PPP1R16B: variants seen among roughly 807,000 people sequenced by gnomAD.
PPP1R16B encodes the protein protein phosphatase 1 regulatory subunit 16B.
A neutral mutation model predicts 61.7 loss-of-function variants in PPP1R16B; 14 were observed. The observed-to-expected ratio is 0.23, with a 90% confidence interval of 0.15 to 0.35. The LOEUF (loss-of-function observed/expected upper bound fraction) is 0.35, where lower values mean the gene tolerates loss of function less well. Among genes scored for constraint, PPP1R16B ranks in the 10% least tolerant of loss-of-function variants. The probability of loss-of-function intolerance (pLI) is 1.00; values close to 1 mark genes in which losing one functional copy is unlikely to be tolerated. For missense variants in PPP1R16B, 547 were observed against 752.5 expected (o/e 0.73, Z 3.19); for synonymous variants, 266 against 305.3 (o/e 0.87, Z 1.34).
chr20:38,907,680 C>T lies in PPP1R16B; in HGVS notation c.899-126C>T, dbSNP rs2085455305. On this transcript the variant is annotated intron_variant, in intron 8 of 10. Transcript: ENST00000299824. This position sits in a 1 kb window ranked among gnomAD's most constrained non-coding sequence, Gnocchi z 4.5. ...TGGCTGGCATTGTTTTCTTGCCTCC[C>T]TGCATGCCCTGAAAGATGCTTGGAG... is the stretch of plus-strand genomic sequence containing the variant. The T allele has an allele frequency of 1.5e-6, 2 of 1,307,196 alleles. No homozygotes were observed. Among genetic ancestry groups the T allele is most frequent in the East Asian group, 4.7e-5 (2 of 42,808 alleles). 81.0% of individuals were successfully genotyped at this position (1,307,196 alleles called of 1,614,324 possible). A position where few individuals can be genotyped will look rare whatever the true frequency, so the allele number is the denominator to read the frequency against.
chr20:38,814,764 C>G (rs184959202), intron 1 of PPP1R16B, among the ~76,000 whole-genome samples: 1 of 152,324 alleles, frequency 6.6e-6, no homozygotes. Context: ...CTGTGCCAGC[C>G]TGGAGAGTTC....
intron 10 of PPP1R16B, among the ~76,000 whole-genome samples, chr20:38,909,202 G>C (rs1436056115): frequency 1.3e-5 from 2 of 151,930 alleles, no homozygotes; most frequent in African/African-American, 4.8e-5. Flanking sequence ...AGGTCTTGCT[G>C]TGTTGCCCAG....
At chr20:38,815,918 A>G (rs1313070324) in intron 1 of PPP1R16B, among the ~76,000 whole-genome samples, 1 of 152,220 alleles carries the variant, frequency 6.6e-6, no homozygotes, top group East Asian at 1.9e-4. Flanking sequence ...GCAAAACTGT[A>G]TGGTTCACAT....
chr20:38,874,004 C>T (rs998338415), intron 2 of PPP1R16B, among the ~76,000 whole-genome samples: 3 of 152,154 alleles, frequency 2.0e-5, no homozygotes, highest in Non-Finnish European at 4.4e-5. Flanking sequence ...TCTGGGATTA[C>T]AGGCATGAGC....
intron 1 of PPP1R16B, among the ~76,000 whole-genome samples, chr20:38,832,233 T>C (rs2084842003): frequency 6.6e-6 from 1 of 152,170 alleles, no homozygotes; most frequent in Non-Finnish European, 1.5e-5. Flanking sequence ...GTACTACTAT[T>C]TTATTAGGTT....
chr20:38,847,244 A>G (rs1283072367), intron 2 of PPP1R16B, among the ~76,000 whole-genome samples: 1 of 152,242 alleles, frequency 6.6e-6, no homozygotes, highest in Non-Finnish European at 1.5e-5. Flanking sequence ...TATTTGATAT[A>G]TGGAAAATAG....
intron 2 of PPP1R16B, among the ~76,000 whole-genome samples, chr20:38,886,801 G>A (rs2085248299): frequency 6.6e-6 from 1 of 152,232 alleles, no homozygotes. Context: ...TGCCAATTGG[G>A]TCAAGGTCCT....
At chr20:38,908,331 C>T in intron 10 of PPP1R16B, 138 bp downstream of exon 10, 1 of 1,093,614 alleles carries the variant, frequency 9.1e-7, no homozygotes, top group South Asian at 1.6e-5. Flanking sequence ...CATATCCAGT[C>T]TGATGATGAT....
At chr20:38,814,568 T>C (rs140103609) in intron 1 of PPP1R16B, among the ~76,000 whole-genome samples, 1 of 152,214 alleles carries the variant, frequency 6.6e-6, no homozygotes, top group African/African-American at 2.4e-5. Flanking sequence ...ACATGCCAAC[T>C]ATTCTTATGG....
chr20:38,837,237 C>T (rs1037453326), intron 2 of PPP1R16B, among the ~76,000 whole-genome samples: 7 of 152,232 alleles, frequency 4.6e-5, no homozygotes, highest in African/African-American at 1.7e-4. Context: ...ACTTCGTTTA[C>T]ACCTCTGTAA....
intron 1 of PPP1R16B, among the ~76,000 whole-genome samples, chr20:38,810,741 A>G (rs1355301701): frequency 1.3e-5 from 2 of 152,044 alleles, no homozygotes; most frequent in Non-Finnish European, 2.9e-5. Flanking sequence ...TCTCATACCA[A>G]TCCGTTGAAA....
chr20:38,888,876 AACACACACACAC>A lies in PPP1R16B; in HGVS notation c.251-678_251-667del, dbSNP rs1181903301. Among the ~76,000 whole-genome samples the A allele has an allele frequency of 7.2e-3, 808 of 112,298 alleles. 4 individuals are homozygous for A. Among genetic ancestry groups the A allele is most frequent in the African/African-American group, 0.02 (552 of 28,064 alleles). The allele number at this position is 112,298 out of a possible 152,430, so 73.7% of individuals were successfully genotyped here. ...CCTCCCTGCCCACCCAGAATCCCTG[AACACACACACAC>A]ACACACACACACACACACACACACA... On this transcript the variant is annotated intron_variant, in intron 2 of 10. Coordinates refer to ENST00000299824, the MANE Select transcript of PPP1R16B (RefSeq NM_015568.4).
At position 38,907,896 on chromosome 20, in the gene PPP1R16B, C is replaced by T. The variant is rs2085457231; in HGVS notation, c.989C>T (p.Ser330Leu). 6.2e-7 allele frequency: 1 copy of T among 1,614,226 alleles called. No homozygotes were observed. Among genetic ancestry groups the T allele is most frequent in the Non-Finnish European group, 8.5e-7 (1 of 1,180,046 alleles). ...VIMKSQLRHK[S>L]SLSRRTSSAG... ...ATGAAGTCACAGCTGAGGCACAAGT[C>T]ATCCTTGAGCCGGAGGACCTCCAGC... Residue 330 changes from serine to leucine, a missense_variant, in exon 9 of 11, where the codon TCA (serine) becomes TTA (leucine). By Grantham distance (145) the Ser-to-Leu change is moderately radical. Transcript: ENST00000299824. The surrounding 1 kb of genome is among the most constrained non-coding windows in gnomAD (Gnocchi z 4.5).
At chr20:38,913,661 A>G (rs1287388247) in intron 10 of PPP1R16B, among the ~76,000 whole-genome samples, 1 of 152,206 alleles carries the variant, frequency 6.6e-6, no homozygotes, top group East Asian at 1.9e-4. Context: ...TTGGAGGTCA[A>G]GGAGAAAGGA....
rs914182054 is a variant in PPP1R16B at position 38,806,101 on chromosome 20, G to A, written c.-102+309G>A. Among the ~76,000 whole-genome samples the A allele has an allele frequency of 1.3e-5, 2 of 152,100 alleles. No homozygotes were observed. The highest frequency in any genetic ancestry group is 6.5e-5 in the Admixed American group (1 of 15,284). On this transcript the variant is annotated intron_variant, in intron 1 of 10. Coordinates refer to ENST00000299824, the MANE Select transcript of PPP1R16B (RefSeq NM_015568.4). This position sits in a 1 kb window ranked among gnomAD's most constrained non-coding sequence, Gnocchi z 4.5. ...GCTGCGGCCGTCGTAGACCGATCTT[G>A]GGGCGGGGAGGTGGGGTCCTCGGTC...
At chr20:38,903,911 G>A (rs527489815) in intron 6 of PPP1R16B, among the ~76,000 whole-genome samples, 4 of 152,164 alleles carry the variant, frequency 2.6e-5, no homozygotes, top group Admixed American at 2.6e-4. Context: ...CCACTGACTG[G>A]GGGGTGGGTG....
At chr20:38,857,246 C>G (rs2085014669) in intron 2 of PPP1R16B, among the ~76,000 whole-genome samples, 1 of 152,232 alleles carries the variant, frequency 6.6e-6, no homozygotes, top group Admixed American at 6.5e-5. Flanking sequence ...GTTTCTTCTT[C>G]TCTCTTCTGT....
chr20:38,837,005 A>G (rs377201945), intron 2 of PPP1R16B, among the ~76,000 whole-genome samples: 4 of 152,358 alleles, frequency 2.6e-5, no homozygotes, highest in African/African-American at 7.2e-5. Flanking sequence ...CAAAAGCTCA[A>G]TACTCACAGG....
At chr20:38,814,648 G>T (rs2084723890) in intron 1 of PPP1R16B, among the ~76,000 whole-genome samples, 1 of 152,150 alleles carries the variant, frequency 6.6e-6, no homozygotes, top group Non-Finnish European at 1.5e-5. Flanking sequence ...AAAGCACTGT[G>T]TCATTATGTC....
Sources: allele counts gnomAD v4.1 joint callset (sites outside exome capture counted in the v4.1 genomes callset), GRCh38; gene constraint gnomAD v4.1.1; non-coding constraint Gnocchi (gnomAD v3.1); transcripts MANE v1.5; gene names NCBI Gene and HGNC (gene_info 2026-07-23, HGNC 2026-07-21).